Variants in CNTN4 observed in about 807,000 individuals in gnomAD.
CNTN4 encodes contactin-4.
In CNTN4, 77 loss-of-function variants were observed where a neutral mutation model predicts 122.5. The observed-to-expected ratio is 0.63, with a 90% CI of 0.52 to 0.76. The LOEUF (loss-of-function observed/expected upper bound fraction) is 0.76. Among genes scored for constraint, CNTN4 ranks in the 30% least tolerant of loss-of-function variants. The pLI is 0.00. For missense variants in CNTN4, 1,256 were observed against 1,259.1 expected (o/e 1.00, Z 0.04); for synonymous variants, 512 against 447.0 (o/e 1.15, Z -1.83).
chr3:2,867,038 GT>G (rs1001107269), intron 8 of CNTN4, 89 bp downstream of exon 8: 2 of 1,183,680 alleles, frequency 1.7e-6, no homozygotes, highest in African/African-American at 3.0e-5. Flanking sequence ...ATGAAGCTTT[GT>G]TGTCTAAATT....
intron 3 of CNTN4, among the ~76,000 whole-genome samples, chr3:2,359,480 CT>C: frequency 6.6e-6 from 1 of 152,102 alleles, no homozygotes; most frequent in Non-Finnish European, 1.5e-5. Context: ...CATTTTCTAC[CT>C]TAAGACTGAG....
chr3:2,663,100 T>A (rs1234642135), intron 4 of CNTN4, among the ~76,000 whole-genome samples: 7 of 125,042 alleles, frequency 5.6e-5, no homozygotes, highest in African/African-American at 2.4e-4. Context: ...AGACTCTGTC[T>A]CAGAAGAAAA....
intron 4 of CNTN4, among the ~76,000 whole-genome samples, chr3:2,628,432 G>A (rs934863227): frequency 2.0e-5 from 3 of 152,038 alleles, no homozygotes; most frequent in African/African-American, 7.2e-5. Context: ...TGTGACCTTG[G>A]GCAAGAGAAA....
At position 3,040,319 on chromosome 3, in the gene CNTN4, T is replaced by A. The variant is rs339283; in HGVS notation, c.2398+48T>A. ...CATTGACTGTTAATATTTCTTCAAT[T>A]CTAAAATGTGGATTGTAGCACGTAC... On this transcript the variant is annotated intron_variant, in intron 20 of 24. Coordinates refer to ENST00000418658, the MANE Select transcript of CNTN4 (RefSeq NM_175607.3). 0.13 allele frequency: 181,942 copies of A among 1,391,810 alleles called. 13,723 individuals carry two copies. Among genetic ancestry groups the A allele is most frequent in the African/African-American group, 0.31 (21,556 of 70,402 alleles). The allele number at this position is 1,391,810 out of a possible 1,614,324, so 86.2% of individuals were successfully genotyped here. A position where few individuals can be genotyped will look rare whatever the true frequency, so the allele number is the denominator to read the frequency against.
intron 3 of CNTN4, among the ~76,000 whole-genome samples, chr3:2,390,721 G>A (rs77661037): frequency 0.013 from 2,040 of 152,130 alleles, 55 homozygotes; most frequent in African/African-American, 0.046. Flanking sequence ...AACAATGTTT[G>A]CAGAATTAAA....
chr3:2,107,289 G>T (rs1399934205), intron 2 of CNTN4, among the ~76,000 whole-genome samples: 1 of 152,156 alleles, frequency 6.6e-6, no homozygotes, highest in Non-Finnish European at 1.5e-5. Context: ...TTGTTATAAA[G>T]AACTACCCAA....
intron 13 of CNTN4, among the ~76,000 whole-genome samples, chr3:2,967,409 C>G (rs1692430799): frequency 6.6e-6 from 1 of 152,112 alleles, no homozygotes; most frequent in Non-Finnish European, 1.5e-5. Context: ...CCTCACGACT[C>G]CTAAACCATA....
chr3:2,774,887 T>A (rs548507096), intron 6 of CNTN4, among the ~76,000 whole-genome samples: 34 of 152,400 alleles, frequency 2.2e-4, no homozygotes, highest in Admixed American at 3.9e-4. Flanking sequence ...AATAGCCTGT[T>A]GTACTTGCAA....
chr3:2,733,001 C>T (rs1476870548), intron 4 of CNTN4, among the ~76,000 whole-genome samples: 1 of 152,134 alleles, frequency 6.6e-6, no homozygotes, highest in Non-Finnish European at 1.5e-5. Flanking sequence ...TGCAAAGCAT[C>T]ATTATTATCA....
intron 12 of CNTN4, among the ~76,000 whole-genome samples, chr3:2,917,307 G>A (rs879763217): frequency 3.6e-4 from 53 of 147,840 alleles, no homozygotes; most frequent in Admixed American, 2.7e-4. Context: ...GCGGAGACGA[G>A]GCAGAGGGGG....
At position 2,385,442 on chromosome 3, in the gene CNTN4, G is replaced by A. The variant is rs2046215046; in HGVS notation, c.-89+46209G>A. Among the ~76,000 whole-genome samples, 1 of 152,042 alleles carries A rather than the reference G, an allele frequency of 6.6e-6. No individual in the cohort carries two copies. The highest frequency in any genetic ancestry group is 6.6e-5 in the Admixed American group (1 of 15,244). On this transcript the variant is annotated intron_variant, in intron 3 of 24. Transcript: ENST00000418658. This position sits in a 1 kb window ranked among gnomAD's most constrained non-coding sequence, Gnocchi z 4.0. Reference sequence around the variant, plus strand: ...TATTCCTGGTGTCTTGTTCATAGCAGATGCTTGTATTAGTTTCTTAGGACT... The same window carrying A: ...TATTCCTGGTGTCTTGTTCATAGCAAATGCTTGTATTAGTTTCTTAGGACT...
At chr3:2,467,390 A>G (rs1357688689) in intron 3 of CNTN4, among the ~76,000 whole-genome samples, 8 of 152,176 alleles carry the variant, frequency 5.3e-5, no homozygotes, top group African/African-American at 1.9e-4. Context: ...CTTCCCAACT[A>G]TCTTCAACAT....
intron 3 of CNTN4, among the ~76,000 whole-genome samples, chr3:2,479,300 A>G (rs755145814): frequency 1.3e-5 from 2 of 152,230 alleles, no homozygotes; most frequent in Non-Finnish European, 2.9e-5. Context: ...TAAACAAATG[A>G]ACATTTTTAA....
At chr3:2,172,383 G>A (rs923895815) in intron 2 of CNTN4, among the ~76,000 whole-genome samples, 1 of 152,042 alleles carries the variant, frequency 6.6e-6, no homozygotes, top group Non-Finnish European at 1.5e-5. Flanking sequence ...TGATTTAATG[G>A]ACTTTGGGGA....
intron 2 of CNTN4, among the ~76,000 whole-genome samples, chr3:2,260,485 T>C (rs1231593903): frequency 1.3e-5 from 2 of 151,912 alleles, no homozygotes; most frequent in Non-Finnish European, 2.9e-5. Flanking sequence ...TTAAGAACAA[T>C]AGAAAAAATC....
chr3:2,403,537 A>G (rs2150983390), intron 3 of CNTN4, among the ~76,000 whole-genome samples: 1 of 152,320 alleles, frequency 6.6e-6, no homozygotes, highest in Non-Finnish European at 1.5e-5. Context: ...TCAAAGTACA[A>G]GAATATGCAT....
At chr3:2,716,298 A>T (rs989124782) in intron 4 of CNTN4, among the ~76,000 whole-genome samples, 1 of 151,624 alleles carries the variant, frequency 6.6e-6, no homozygotes, top group Non-Finnish European at 1.5e-5. Flanking sequence ...GCACAGCATT[A>T]TCATATATCA....
At chr3:3,034,862 C>G in intron 17 of CNTN4, 72 bp downstream of exon 17, 1 of 1,494,334 alleles carries the variant, frequency 6.7e-7, no homozygotes, top group Non-Finnish European at 9.3e-7. Context: ...TGGCAAGGAA[C>G]GTCTAAGTTC....
At chr3:2,139,764 A>G (rs1469974579) in intron 2 of CNTN4, among the ~76,000 whole-genome samples, 1 of 152,196 alleles carries the variant, frequency 6.6e-6, no homozygotes, top group Non-Finnish European at 1.5e-5. Context: ...CAGTGTGCAC[A>G]GTGCACACTC....
Sources: gnomAD v4.1 joint callset for allele counts (sites outside exome capture counted in the v4.1 genomes callset) on GRCh38, gnomAD v4.1.1 for gene constraint, Gnocchi (gnomAD v3.1) non-coding constraint, MANE v1.5 for transcripts, NCBI Gene and HGNC (gene_info 2026-07-23, HGNC 2026-07-21) for gene names.